The following SLC39A8 variants were observed in gnomAD, a reference collection of about 807,000 sequenced individuals.
SLC39A8 encodes metal cation symporter ZIP8.
SLC39A8 carries 15 observed loss-of-function variants against 40.4 expected under a neutral mutation model. That is an observed-to-expected ratio of 0.37 (90% CI 0.25 to 0.57). The LOEUF (loss-of-function observed/expected upper bound fraction) is 0.57, where lower values mean the gene tolerates loss of function less well. Ranked by LOEUF, SLC39A8 falls within the 20% of genes least tolerant of loss-of-function variation. SLC39A8 has a pLI of 0.75. For missense variants in SLC39A8, 472 were observed against 558.8 expected, an observed-to-expected ratio of 0.84 and a Z score of 1.57; for synonymous variants, 223 against 221.6, an observed-to-expected ratio of 1.01 and a Z score of -0.06.
rs934057511 is a variant in SLC39A8, at chr4:102,285,617, T to C, written c.841-17538A>G. Among the ~76,000 whole-genome samples the C allele has an allele frequency of 3.1e-5, 4 of 130,812 alleles. No individual in the cohort carries two copies. In the Admixed American group the frequency reaches 3.2e-4, roughly 11 times the overall value. 85.8% of individuals were successfully genotyped at this position (130,812 alleles called of 152,430 possible). A position where few individuals can be genotyped will look rare whatever the true frequency, so the allele number is the denominator to read the frequency against. On this transcript the variant is annotated intron_variant, in intron 6 of 8. Coordinates refer to ENST00000356736, the MANE Select transcript of SLC39A8 (RefSeq NM_001135146.2). Reference sequence around the variant, plus strand: ...ATATGATTGTAGAGACAAATAAATATTATAGATGAGGGTGTGTGTGTGTGT... The same window carrying C: ...ATATGATTGTAGAGACAAATAAATACTATAGATGAGGGTGTGTGTGTGTGT...
At position 102,344,669 on chromosome 4, in the gene SLC39A8, C is replaced by T. The variant is rs138575905; in HGVS notation, c.-7G>A. On this transcript the variant is annotated 5_prime_UTR_variant, in exon 2 of 9. Transcript: ENST00000356736. Reference sequence around the variant, plus strand: ...CCGCGCGACCCGGGGCCATCCTGGCCTGGGCTTCCCCTTGAGGGCCCGCGA... The same window carrying T: ...CCGCGCGACCCGGGGCCATCCTGGCTTGGGCTTCCCCTTGAGGGCCCGCGA... 17,671 of 1,491,688 alleles carry T rather than the reference C, an allele frequency of 0.012. 147 individuals carry two copies. Among genetic ancestry groups the T allele is most frequent in the Non-Finnish European group, 0.013 (14,596 of 1,125,368 alleles). 92.4% of individuals were successfully genotyped at this position (1,491,688 alleles called of 1,614,324 possible). A position where few individuals can be genotyped will look rare whatever the true frequency, so the allele number is the denominator to read the frequency against.
downstream of SLC39A8, among the ~76,000 whole-genome samples, chr4:102,260,310 G>C (rs1731811860): frequency 1.3e-5 from 2 of 152,290 alleles, no homozygotes; most frequent in South Asian, 4.1e-4. Context: ...TTTTATTGCT[G>C]GTAATGTATC....
intron 6 of SLC39A8, among the ~76,000 whole-genome samples, chr4:102,303,956 T>C (rs1028302741): frequency 6.6e-6 from 1 of 151,904 alleles, no homozygotes; most frequent in Non-Finnish European, 1.5e-5. Context: ...AATTTCAAAA[T>C]CAATCAAAGG....
intron 6 of SLC39A8, among the ~76,000 whole-genome samples, chr4:102,268,334 TTTGAC>T: frequency 6.6e-6 from 1 of 152,358 alleles, no homozygotes; most frequent in South Asian, 2.1e-4. Context: ...AAACAATTCT[TTTGAC>T]TTGTATAAAC....
At chr4:102,329,027 CAAAA>C in intron 2 of SLC39A8, among the ~76,000 whole-genome samples, 1 of 95,538 alleles carries the variant, frequency 1.0e-5, no homozygotes. Flanking sequence ...GACTGAATCT[CAAAA>C]AAAAAAAAAA....
rs1051819615 is a variant in SLC39A8 at position 102,262,474 on chromosome 4, G to T, written c.*570C>A. 2 of 984,982 alleles carry T rather than the reference G, an allele frequency of 2.0e-6. No individual in the cohort carries two copies. The highest frequency in any genetic ancestry group is 3.5e-5 in the African/African-American group (2 of 57,198). The allele number at this position is 984,982 out of a possible 1,614,324, so 61.0% of individuals were successfully genotyped here. ...TTAGAATGGTTTTCAAAATAATACT[G>T]CAAGTTCCTAATTGAAATACAAAAC... On this transcript the variant is annotated 3_prime_UTR_variant, in exon 9 of 9. Coordinates refer to ENST00000356736, the MANE Select transcript of SLC39A8 (RefSeq NM_001135146.2).
At chr4:102,318,042 TA>T (rs1734739539) in intron 2 of SLC39A8, among the ~76,000 whole-genome samples, 1 of 152,176 alleles carries the variant, frequency 6.6e-6, no homozygotes, top group Non-Finnish European at 1.5e-5. Context: ...TGAACATGTA[TA>T]CTGGATCATG....
Position 102,263,104 on chromosome 4 carries a change from T to A in SLC39A8, c.1323A>T (p.Leu441Phe). The change falls in exon 9 of 9, where the codon TTA becomes TTT. Residue 441 changes from leucine (L) to phenylalanine (F), a missense_variant. By Grantham distance (22) the Leu-to-Phe change is conservative. Transcript: ENST00000356736. Reference sequence around the variant, plus strand: ...TGAGTAGAATGGCTGTGAATCCAGTTAACATTCCAGCATTCTGAATCATGA... The same window carrying A: ...TGAGTAGAATGGCTGTGAATCCAGTAAACATTCCAGCATTCTGAATCATGA... ...TFFMIQNAGM[L>F]TGFTAILLIT... 1 of 1,613,790 alleles carries A rather than the reference T, an allele frequency of 6.2e-7. No homozygotes were observed. Among genetic ancestry groups the A allele is most frequent in the Non-Finnish European group, 8.5e-7 (1 of 1,179,770 alleles).
At position 102,315,822 on chromosome 4, in the gene SLC39A8, A is replaced by C. The variant is rs142672305; in HGVS notation, c.228T>G (p.Thr76=). The change falls in exon 3 of 9, where the codon ACT becomes ACG. Residue 76 remains threonine (T), a synonymous_variant. Coordinates refer to ENST00000356736, the MANE Select transcript of SLC39A8 (RefSeq NM_001135146.2). ...PGQLHFNQCL[T]AEEIFSLHGF... is the part of the protein sequence containing the mutation. ...CATGAAGGGAAAAGATCTCTTCAGCAGTTAAACACTGAAATAGAATAAACA... is the reference window on the plus strand; with the variant it reads ...CATGAAGGGAAAAGATCTCTTCAGCCGTTAAACACTGAAATAGAATAAACA... 1 of 1,608,952 alleles carries C rather than the reference A, an allele frequency of 6.2e-7. No individual in the cohort carries two copies. The highest frequency in any genetic ancestry group is 8.5e-7 in the Non-Finnish European group (1 of 1,178,134).
chr4:102,325,212 C>A (rs1475835321), intron 2 of SLC39A8, among the ~76,000 whole-genome samples: 1 of 152,100 alleles, frequency 6.6e-6, no homozygotes, highest in Non-Finnish European at 1.5e-5. Context: ...AGACAGTTTT[C>A]TAAGGTTTAA....
At chr4:102,316,637 A>C (rs989984203) in intron 2 of SLC39A8, among the ~76,000 whole-genome samples, 2 of 152,190 alleles carry the variant, frequency 1.3e-5, no homozygotes, top group African/African-American at 4.8e-5. Context: ...AGTGTGAAAA[A>C]TATCCATTCA....
chr4:102,294,075 A>C (rs897062907), intron 6 of SLC39A8, among the ~76,000 whole-genome samples: 15 of 152,058 alleles, frequency 9.9e-5, no homozygotes, highest in African/African-American at 3.4e-4. Context: ...ATATACAAAA[A>C]TAAATTAAAC....
chr4:102,320,365 AGT>A (rs1491130557), intron 2 of SLC39A8, among the ~76,000 whole-genome samples: 1 of 127,586 alleles, frequency 7.8e-6, no homozygotes, highest in Non-Finnish European at 1.6e-5. Flanking sequence ...TATATATATG[AGT>A]ATATATATAT....
At chr4:102,320,236 T>C (rs557468515) in intron 2 of SLC39A8, among the ~76,000 whole-genome samples, 1 of 138,218 alleles carries the variant, frequency 7.2e-6, no homozygotes, top group South Asian at 2.2e-4. Flanking sequence ...TGAGTATATA[T>C]ATATGAGAAT....
rs1422831231 is a variant in SLC39A8 at position 102,267,878 on chromosome 4, C to G, written c.1042G>C (p.Glu348Gln). The change falls in exon 7 of 9, where the codon GAG (glutamate) becomes CAG (glutamine). Residue 348 changes from glutamate (E) to glutamine (Q), a missense_variant. By Grantham distance (29) the Glu-to-Gln change is conservative. Transcript: ENST00000356736. Reference sequence around the variant, plus strand: ...TATGAACAGAGCTCCTTACCTAACTCGTGGGGAAACTCCTCACATAGGATT... The same window carrying G: ...TATGAACAGAGCTCCTTACCTAACTGGTGGGGAAACTCCTCACATAGGATT... ...IAILCEEFPH[E>Q]LGDFVILLNA... 2 of 1,613,860 alleles carry G rather than the reference C, an allele frequency of 1.2e-6. No homozygotes were observed. The highest frequency in any genetic ancestry group is 1.7e-5 in the Admixed American group (1 of 59,996).
At chr4:102,338,856 T>C (rs536144407) in intron 2 of SLC39A8, among the ~76,000 whole-genome samples, 1 of 152,130 alleles carries the variant, frequency 6.6e-6, no homozygotes, top group African/African-American at 2.4e-5. Flanking sequence ...GTATGAAACA[T>C]GATAATACAA....
chr4:102,304,652 A>G (rs149995458), intron 5 of SLC39A8, among the ~76,000 whole-genome samples, 171 bp from the exon 6 acceptor site: 368 of 151,966 alleles, frequency 2.4e-3, no homozygotes, highest in African/African-American at 8.0e-3. Flanking sequence ...ATGTATTTTC[A>G]TTTATTAGAT....
intron 2 of SLC39A8, among the ~76,000 whole-genome samples, chr4:102,325,452 C>G (rs1015393838): frequency 6.6e-6 from 1 of 152,128 alleles, no homozygotes; most frequent in Non-Finnish European, 1.5e-5. Context: ...TACACACACA[C>G]TTACGTTCAC....
intron 8 of SLC39A8, among the ~76,000 whole-genome samples, chr4:102,266,603 C>T (rs1320380212): frequency 6.6e-6 from 1 of 151,052 alleles, no homozygotes; most frequent in Non-Finnish European, 1.5e-5. Context: ...CTCTTACACA[C>T]ACACATGCAC....
Sources: gnomAD v4.1 joint callset for allele counts (sites outside exome capture counted in the v4.1 genomes callset) on GRCh38, gnomAD v4.1.1 for gene constraint, MANE v1.5 for transcripts, NCBI Gene and HGNC (gene_info 2026-07-23, HGNC 2026-07-21) for gene names.